The following LRRTM4 variants were observed in gnomAD, a reference collection of about 807,000 sequenced individuals.
The protein encoded by LRRTM4 is leucine rich repeat transmembrane neuronal 4.
A neutral mutation model predicts 47.6 loss-of-function variants in LRRTM4; 25 were observed. The ratio of observed to expected loss-of-function variants is 0.53; its 90% CI spans 0.38 to 0.73. The LOEUF (loss-of-function observed/expected upper bound fraction) is 0.73, where lower values mean the gene tolerates loss of function less well. LRRTM4 is among the 30% of genes least tolerant of loss of function. The pLI, the probability that LRRTM4 is intolerant of heterozygous loss-of-function variation, is 0.00. For missense variants in LRRTM4, 638 were observed against 713.4 expected (o/e 0.89, Z 1.20); for synonymous variants, 311 against 269.5 (o/e 1.15, Z -1.51).
chr2:77,443,326 G>C (rs1675920600), intron 3 of LRRTM4, among the ~76,000 whole-genome samples: 1 of 152,130 alleles, frequency 6.6e-6, no homozygotes. Flanking sequence ...CAGATCGGAT[G>C]CATATTCATT....
At chr2:77,027,505 A>T (rs187666329) in intron 3 of LRRTM4, among the ~76,000 whole-genome samples, 1 of 152,244 alleles carries the variant, frequency 6.6e-6, no homozygotes, top group Admixed American at 6.5e-5. Flanking sequence ...GTGAGTAGCC[A>T]CTCAAGGGTC....
intron 3 of LRRTM4, among the ~76,000 whole-genome samples, chr2:76,985,441 G>A (rs907279874): frequency 5.3e-5 from 8 of 151,978 alleles, no homozygotes; most frequent in African/African-American, 1.9e-4. Context: ...AAAAGGAACA[G>A]AGGAATAAGA....
chr2:76,834,231 A>G (rs557467616), intron 3 of LRRTM4, among the ~76,000 whole-genome samples: 31 of 140,988 alleles, frequency 2.2e-4, no homozygotes, highest in African/African-American at 7.8e-4. Context: ...TTGTATTTTT[A>G]GTAGAGATGG....
At chr2:77,264,462 C>G (rs987219558) in intron 3 of LRRTM4, among the ~76,000 whole-genome samples, 11 of 152,104 alleles carry the variant, frequency 7.2e-5, no homozygotes, top group Admixed American at 2.6e-4. Context: ...TTTAGAGATC[C>G]TATGTCTAAC....
intron 3 of LRRTM4, among the ~76,000 whole-genome samples, chr2:77,196,361 T>G (rs1285216627): frequency 6.6e-6 from 1 of 152,130 alleles, no homozygotes; most frequent in Non-Finnish European, 1.5e-5. Flanking sequence ...ACTCAGAAAC[T>G]AAAGGGCACT....
intron 3 of LRRTM4, among the ~76,000 whole-genome samples, chr2:76,811,767 T>C (rs1670740744): frequency 6.6e-6 from 1 of 152,122 alleles, no homozygotes; most frequent in Non-Finnish European, 1.5e-5. Flanking sequence ...TCATTTTTAT[T>C]TTACCTGTCC....
At chr2:76,952,441 C>T (rs779534786) in intron 3 of LRRTM4, among the ~76,000 whole-genome samples, 117 of 151,978 alleles carry the variant, frequency 7.7e-4, no homozygotes, top group African/African-American at 2.7e-3. Context: ...TGAAAAAATG[C>T]TCACTGTCTC....
At position 77,134,428 on chromosome 2, in the gene LRRTM4, T is replaced by C. The variant is rs375495094; in HGVS notation, c.1551+383890A>G. Among the ~76,000 whole-genome samples the C allele has an allele frequency of 3.9e-5, 6 of 152,214 alleles. No homozygotes were observed. In the South Asian group the frequency reaches 1.2e-3, roughly 31 times the overall value. ...TTTTCCATTATGAAAATTGTTTTTA[T>C]TAACTTTATATTAGCAACAAGAAGT... On this transcript the variant is annotated intron_variant, in intron 3 of 3. Coordinates refer to ENST00000409884, the MANE Select transcript of LRRTM4 (RefSeq NM_001134745.3).
At chr2:77,503,211 G>A (rs541124751) in intron 3 of LRRTM4, among the ~76,000 whole-genome samples, 1 of 151,558 alleles carries the variant, frequency 6.6e-6, no homozygotes, top group Middle Eastern at 3.2e-3. Context: ...GTTGAATTAA[G>A]GAGACTAAAT....
intron 3 of LRRTM4, among the ~76,000 whole-genome samples, chr2:76,950,049 G>A (rs1179202275): frequency 6.6e-6 from 1 of 151,694 alleles, no homozygotes; most frequent in Non-Finnish European, 1.5e-5. Context: ...GAGAGTAGAG[G>A]CCATGATTCA....
At chr2:77,255,680 T>C (rs13424945) in intron 3 of LRRTM4, among the ~76,000 whole-genome samples, 1 of 151,892 alleles carries the variant, frequency 6.6e-6, no homozygotes, top group African/African-American at 2.4e-5. Context: ...ATGTGTCGAA[T>C]AGAATATCCC....
chr2:77,239,257 A>C (rs2103986456), intron 3 of LRRTM4, among the ~76,000 whole-genome samples: 1 of 152,142 alleles, frequency 6.6e-6, no homozygotes, highest in Admixed American at 6.6e-5. Context: ...CATGGAGCTT[A>C]ATATTATTTG....
intron 3 of LRRTM4, among the ~76,000 whole-genome samples, chr2:76,799,333 A>T (rs1326265812): frequency 9.1e-6 from 1 of 109,616 alleles, no homozygotes; most frequent in Non-Finnish European, 1.7e-5. Context: ...GCATATAACC[A>T]GAACCAAAGA....
At chr2:77,048,864 C>G (rs76360716) in intron 3 of LRRTM4, among the ~76,000 whole-genome samples, 1,681 of 151,390 alleles carry the variant, frequency 0.011, 41 homozygotes, top group African/African-American at 0.038. Flanking sequence ...TAGAACTTGT[C>G]CTTCCAATAC....
chr2:77,002,695 G>C (rs1345515736), intron 3 of LRRTM4, among the ~76,000 whole-genome samples: 1 of 151,930 alleles, frequency 6.6e-6, no homozygotes, highest in Non-Finnish European at 1.5e-5. Context: ...TTCTCTCCTT[G>C]CCCTTGTTGC....
chr2:76,909,012 G>C (rs180757847), intron 3 of LRRTM4, among the ~76,000 whole-genome samples: 2 of 152,080 alleles, frequency 1.3e-5, no homozygotes, highest in South Asian at 2.1e-4. Flanking sequence ...TCACATGGAA[G>C]CAAAAAAGAG....
chr2:76,805,117 T>C (rs1393345423), intron 3 of LRRTM4, among the ~76,000 whole-genome samples: 22 of 152,188 alleles, frequency 1.4e-4, no homozygotes, highest in Admixed American at 1.4e-3. Flanking sequence ...TGAAGCCTCA[T>C]GGAGACAGGA....
intron 3 of LRRTM4, among the ~76,000 whole-genome samples, chr2:77,066,652 G>A (rs1423872892): frequency 6.6e-6 from 1 of 152,190 alleles, no homozygotes; most frequent in East Asian, 1.9e-4. Flanking sequence ...AGCTTACTAT[G>A]TAGAGAGAGG....
chr2:77,518,860 T>C lies in LRRTM4; in HGVS notation c.1009A>G (p.Met337Val), dbSNP rs775815820. The C allele has an allele frequency of 5.6e-6, 9 of 1,607,344 alleles. No homozygotes were observed. The South Asian group carries it at 1.0e-4, about 18-fold the overall frequency. Residue 337 changes from methionine to valine, a missense_variant, in exon 3 of 4, where the codon ATG (methionine) becomes GTG (valine). Physicochemically the swap from Met to Val is conservative, Grantham distance 21. Coordinates refer to ENST00000409884, the MANE Select transcript of LRRTM4 (RefSeq NM_001134745.3). ...ATGTGCTTAGGTCCCGCACATATCA[T>C]GGTGCTTTCCTTATTTCCTTTGAAA... Reference protein sequence around the residue: ...KNFKGNKESTMICAGPKHIQG... With the variant: ...KNFKGNKESTVICAGPKHIQG...
Sources: gnomAD v4.1 joint callset for allele counts (sites outside exome capture counted in the v4.1 genomes callset) on GRCh38, gnomAD v4.1.1 for gene constraint, MANE v1.5 for transcripts, NCBI Gene and HGNC (gene_info 2026-07-23, HGNC 2026-07-21) for gene names.